Variants in DNAAF4 observed in about 807,000 individuals in gnomAD.
The protein encoded by DNAAF4 is dynein assembly factor 4, axonemal.
Under a neutral mutation model 51.8 loss-of-function variants are expected in DNAAF4, and 43 were observed. That is an observed-to-expected ratio of 0.83 (90% CI 0.65 to 1.07). The LOEUF is 1.07. Ranked by LOEUF, DNAAF4 falls within the 50% of genes least tolerant of loss-of-function variation. The pLI, the probability that DNAAF4 is intolerant of heterozygous loss-of-function variation, is 0.00. For synonymous variants in DNAAF4, 194 were observed against 165.6 expected (o/e 1.17, Z -1.32); for missense variants, 581 against 493.0 (o/e 1.18, Z -1.69).
chr15:55,449,352 C>T (rs1382644606), intron 6 of DNAAF4, among the ~76,000 whole-genome samples: 1 of 151,674 alleles, frequency 6.6e-6, no homozygotes, highest in East Asian at 2.0e-4. Context: ...TGCATCAATT[C>T]AGCCTCGCAG....
chr15:55,490,331 TTGAC>T (rs2058554081), intron 4 of DNAAF4, among the ~76,000 whole-genome samples: 1 of 152,070 alleles, frequency 6.6e-6, no homozygotes, highest in African/African-American at 2.4e-5. Context: ...TGTTCTAAAA[TTGAC>T]TGTAGTAATG....
At chr15:55,438,234 C>T (rs1177119149) in intron 7 of DNAAF4, among the ~76,000 whole-genome samples, 1 of 151,682 alleles carries the variant, frequency 6.6e-6, no homozygotes, top group Non-Finnish European at 1.5e-5. Flanking sequence ...GCCTGTAATC[C>T]CAGCTACTGA....
At chr15:55,462,716 T>A (rs1232312634) in intron 5 of DNAAF4, among the ~76,000 whole-genome samples, 1 of 151,262 alleles carries the variant, frequency 6.6e-6, no homozygotes, top group Admixed American at 6.6e-5. Context: ...GCTAACCAAA[T>A]GCAACAGCAT....
intron 4 of DNAAF4, among the ~76,000 whole-genome samples, chr15:55,476,810 G>C (rs946599873): frequency 6.6e-6 from 1 of 152,136 alleles, no homozygotes; most frequent in Non-Finnish European, 1.5e-5. Flanking sequence ...GCTGTCAAGG[G>C]CTGGGAGGAT....
At chr15:55,418,855 A>G in intron 7 of DNAAF4, 1 of 216,636 alleles carries the variant, frequency 4.6e-6, no homozygotes. Flanking sequence ...TTATCAAGAC[A>G]AAGGAACACA....
rs753587523 is a variant in DNAAF4 at position 55,450,343 on chromosome 15, G to A, written c.662C>T (p.Thr221Ile). 9 of 1,610,336 alleles carry A rather than the reference G, an allele frequency of 5.6e-6. No individual in the cohort carries two copies. The highest frequency in any genetic ancestry group is 5.6e-5 in the South Asian group (5 of 89,714). Residue 221 changes from threonine to isoleucine, a missense_variant, in exon 6 of 10, where the codon ACT becomes ATT. Coordinates refer to ENST00000321149, the MANE Select transcript of DNAAF4 (RefSeq NM_130810.4). ...PKGRNSENIF[T>I]EKLKEDSIPA... ...AATACTGTCTTCCTTTAACTTCTCA[G>A]TAAATATATTTTCTGAATTTCTCCC...
Position 55,498,409 on chromosome 15 carries a change from G to A in DNAAF4, c.-80C>T. 1 of 1,536,144 alleles carries A rather than the reference G, an allele frequency of 6.5e-7. No individual in the cohort carries two copies. Among genetic ancestry groups the A allele is most frequent in the Non-Finnish European group, 8.8e-7 (1 of 1,142,742 alleles). On this transcript the variant is annotated 5_prime_UTR_variant, in exon 2 of 10. Transcript: ENST00000321149. ...TTGCTAGGGAAGCTGGGGTTACCAT[G>A]CGCCAGCCCTTCCGGGTCAGGCCGG...
chr15:55,475,113 T>C (rs1446299388), intron 4 of DNAAF4, among the ~76,000 whole-genome samples: 1 of 152,238 alleles, frequency 6.6e-6, no homozygotes, highest in African/African-American at 2.4e-5. Context: ...CTCAATATTA[T>C]AAGTATGTTG....
chr15:55,465,200 T>G (rs1567019287), intron 5 of DNAAF4, among the ~76,000 whole-genome samples: 2 of 152,124 alleles, frequency 1.3e-5, no homozygotes, highest in Admixed American at 1.3e-4. Context: ...TGGAGATAGA[T>G]GCCTTAAAGA....
At chr15:55,453,856 C>G (rs565934317) in intron 5 of DNAAF4, among the ~76,000 whole-genome samples, 1 of 151,962 alleles carries the variant, frequency 6.6e-6, no homozygotes, top group South Asian at 2.1e-4. Flanking sequence ...GGCCAAAAAA[C>G]AGAACTTTCA....
At chr15:55,453,490 A>G (rs970661973) in intron 5 of DNAAF4, among the ~76,000 whole-genome samples, 1 of 151,976 alleles carries the variant, frequency 6.6e-6, no homozygotes, top group Non-Finnish European at 1.5e-5. Context: ...GCTAACATCA[A>G]TAATGAAAAC....
intron 4 of DNAAF4, among the ~76,000 whole-genome samples, chr15:55,487,322 G>C (rs1464999745): frequency 6.6e-6 from 1 of 151,814 alleles, no homozygotes; most frequent in African/African-American, 2.4e-5. Flanking sequence ...CAGCATTCTG[G>C]AAAAATGCAC....
intron 3 of DNAAF4, among the ~76,000 whole-genome samples, chr15:55,493,966 A>C (rs1325927650): frequency 6.6e-6 from 1 of 151,538 alleles, no homozygotes; most frequent in Non-Finnish European, 1.5e-5. Flanking sequence ...GGCCTCCTAA[A>C]GTGCTGAGAT....
At chr15:55,459,910 G>A (rs184882170) in intron 5 of DNAAF4, among the ~76,000 whole-genome samples, 1 of 152,068 alleles carries the variant, frequency 6.6e-6, no homozygotes, top group African/African-American at 2.4e-5. Context: ...CACCATGTTG[G>A]CCTGGCTGGT....
intron 4 of DNAAF4, among the ~76,000 whole-genome samples, chr15:55,487,843 T>C (rs1187733204): frequency 2.0e-5 from 3 of 152,174 alleles, no homozygotes; most frequent in South Asian, 2.1e-4. Flanking sequence ...CCTATCCAAA[T>C]TGTAATGTCA....
intron 1 of DNAAF4, among the ~76,000 whole-genome samples, chr15:55,500,301 T>C (rs1391340943): frequency 6.6e-6 from 1 of 152,134 alleles, no homozygotes; most frequent in Non-Finnish European, 1.5e-5. Flanking sequence ...ATACTGGGAG[T>C]CATCCTAGAC....
intron 3 of DNAAF4, 105 bp downstream of exon 3, chr15:55,497,607 A>G: frequency 1.5e-6 from 2 of 1,331,306 alleles, no homozygotes; most frequent in Non-Finnish European, 1.0e-6. Flanking sequence ...AAAAAAAAAA[A>G]TCTATCTTCC....
At chr15:55,451,386 T>G (rs2057929855) in intron 5 of DNAAF4, among the ~76,000 whole-genome samples, 1 of 152,168 alleles carries the variant, frequency 6.6e-6, no homozygotes, top group East Asian at 1.9e-4. Flanking sequence ...TCCCAATAAT[T>G]TTATATCCAA....
At chr15:55,418,576 T>C in intron 7 of DNAAF4, 1 of 1,402,614 alleles carries the variant, frequency 7.1e-7, no homozygotes, top group Non-Finnish European at 9.5e-7. Context: ...TATGAAAATA[T>C]ATTCCTTTGT....
Sources: allele counts gnomAD v4.1 joint callset (sites outside exome capture counted in the v4.1 genomes callset), GRCh38; gene constraint gnomAD v4.1.1; transcripts MANE v1.5; gene names NCBI Gene and HGNC (gene_info 2026-07-23, HGNC 2026-07-21).